FAM120A: variants seen among roughly 807,000 people sequenced by gnomAD.
The protein encoded by FAM120A is family with sequence similarity 120 member A.
FAM120A carries 15 observed loss-of-function variants against 109.7 expected under a neutral mutation model. That is an observed-to-expected ratio of 0.14 (90% confidence interval 0.09 to 0.21). The LOEUF (loss-of-function observed/expected upper bound fraction) is 0.21, where lower values mean the gene tolerates loss of function less well. FAM120A is among the 10% of genes least tolerant of loss of function. The probability of loss-of-function intolerance (pLI) is 1.00; values close to 1 mark genes in which losing one functional copy is unlikely to be tolerated. For synonymous variants in FAM120A, 493 were observed against 572.8 expected (o/e 0.86, Z 1.99); for missense variants, 899 against 1,439.3 (o/e 0.62, Z 6.07).
At chr9:93,477,944 C>A (rs1333036065) in intron 3 of FAM120A, among the ~76,000 whole-genome samples, 1 of 152,132 alleles carries the variant, frequency 6.6e-6, no homozygotes, top group Non-Finnish European at 1.5e-5. Flanking sequence ...GTATATCCCC[C>A]ATCTTGGTTC....
intron 3 of FAM120A, among the ~76,000 whole-genome samples, chr9:93,487,160 GGTTTTT>G (rs1387919425): frequency 6.6e-6 from 1 of 151,776 alleles, no homozygotes; most frequent in Non-Finnish European, 1.5e-5. Flanking sequence ...GAGTTCTAAG[GGTTTTT>G]GTTTTTGTTT....
intron 5 of FAM120A, among the ~76,000 whole-genome samples, chr9:93,506,593 T>C (rs1225855078): frequency 1.3e-5 from 2 of 151,978 alleles, no homozygotes; most frequent in East Asian, 3.9e-4. Flanking sequence ...GATTTTTTTT[T>C]TTCTTCTTTT....
Position 93,543,202 on chromosome 9 carries a change from C to G in FAM120A, c.1910-20C>G, listed in dbSNP as rs768437433. 41 of 1,609,974 alleles carry G rather than the reference C, an allele frequency of 2.5e-5. No homozygotes were observed. The highest frequency in any genetic ancestry group is 3.3e-5 in the Non-Finnish European group (39 of 1,176,966). ...TGAATGATGCATGAATGTGTCTTCT[C>G]TGGCTTTTTTTTCCTGTAGTTTCAC... On this transcript the variant is annotated intron_variant, in intron 10 of 17. Coordinates refer to ENST00000277165, the MANE Select transcript of FAM120A (RefSeq NM_014612.5).
At chr9:93,527,810 A>T (rs1163587310) in intron 8 of FAM120A, among the ~76,000 whole-genome samples, 2 of 151,266 alleles carry the variant, frequency 1.3e-5, no homozygotes, top group African/African-American at 2.4e-5. Context: ...TTTAGTAGAG[A>T]CGGGGTGTCG....
At chr9:93,546,380 A>G (rs902891118) in intron 11 of FAM120A, among the ~76,000 whole-genome samples, 3 of 152,182 alleles carry the variant, frequency 2.0e-5, no homozygotes, top group Admixed American at 6.5e-5. Flanking sequence ...CCCCGCGGCC[A>G]TGGCAGAGGA....
At chr9:93,524,463 G>A (rs950260602) in intron 7 of FAM120A, among the ~76,000 whole-genome samples, 22 of 152,150 alleles carry the variant, frequency 1.4e-4, no homozygotes, top group African/African-American at 4.3e-4. Flanking sequence ...GCTTTCATAC[G>A]GAAGAAGCTC....
chr9:93,558,758 G>A, intron 15 of FAM120A, 40 bp downstream of exon 15: 1 of 1,605,970 alleles, frequency 6.2e-7, no homozygotes, highest in Non-Finnish European at 8.5e-7. Context: ...CTGCCTGCCA[G>A]CACTTCCTTC....
At chr9:93,511,846 G>T (rs557321047) in intron 5 of FAM120A, among the ~76,000 whole-genome samples, 1 of 152,370 alleles carries the variant, frequency 6.6e-6, no homozygotes, top group South Asian at 2.1e-4. Flanking sequence ...AGGCCAGAGT[G>T]CAGTGGCACG....
chr9:93,563,163 T>A (rs2131578873), intron 17 of FAM120A, among the ~76,000 whole-genome samples: 1 of 152,326 alleles, frequency 6.6e-6, no homozygotes, highest in South Asian at 2.1e-4. Context: ...CATCTCCATC[T>A]GGGTTGATGA....
chr9:93,531,465 A>G (rs1861328719), intron 9 of FAM120A: 1 of 152,256 alleles, frequency 6.6e-6, no homozygotes, highest in South Asian at 2.1e-4. Flanking sequence ...TTTGGCAACA[A>G]TCTTAGCTGC....
At chr9:93,474,091 T>A (rs899319335) in intron 2 of FAM120A, among the ~76,000 whole-genome samples, 1 of 132,078 alleles carries the variant, frequency 7.6e-6, no homozygotes, top group Non-Finnish European at 1.6e-5. Context: ...AATGAAAAAA[T>A]CAATTGCAAT....
At chr9:93,508,641 G>A (rs1378053514) in intron 5 of FAM120A, among the ~76,000 whole-genome samples, 3 of 152,190 alleles carry the variant, frequency 2.0e-5, no homozygotes, top group African/African-American at 7.2e-5. Flanking sequence ...TGGGGCTGGT[G>A]TTCTGGGCTC....
intron 1 of FAM120A, among the ~76,000 whole-genome samples, chr9:93,470,517 C>T (rs547298276): frequency 6.6e-6 from 1 of 152,168 alleles, no homozygotes; most frequent in South Asian, 2.1e-4. Flanking sequence ...TTGATATAGA[C>T]CTAGTCTTGA....
At chr9:93,453,667 C>T (rs1857399868) in intron 1 of FAM120A, 3 of 977,212 alleles carry the variant, frequency 3.1e-6, no homozygotes, top group Non-Finnish European at 3.6e-6. Context: ...CCGGCAGAGT[C>T]CCGATTGGCC....
intron 5 of FAM120A, among the ~76,000 whole-genome samples, chr9:93,513,414 C>T (rs1465524115): frequency 1.3e-5 from 2 of 152,174 alleles, no homozygotes; most frequent in African/African-American, 4.8e-5. Context: ...GCACACACAT[C>T]CCTTAGAGGC....
rs1243218824 is a variant in FAM120A at position 93,452,505 on chromosome 9, C to T, written c.474+116C>T. On this transcript the variant is annotated intron_variant, in intron 1 of 17. Transcript: ENST00000277165. The surrounding 1 kb of genome is among the most constrained non-coding windows in gnomAD (Gnocchi z 7.0). ...CGGCGCTGGGGGCAGCGAGTTCCCC[C>T]AGCCCTTGCCCGGGATAGCCTGGCC... The T allele has an allele frequency of 4.5e-6, 7 of 1,548,310 alleles. No homozygotes were observed. The highest frequency in any genetic ancestry group is 3.9e-5 in the Admixed American group (2 of 51,784).
intron 11 of FAM120A, among the ~76,000 whole-genome samples, chr9:93,544,591 T>G (rs1466246362): frequency 1.3e-5 from 2 of 152,256 alleles, no homozygotes; most frequent in African/African-American, 4.8e-5. Flanking sequence ...AAACCTTTTT[T>G]TTAACTTAAA....
intron 3 of FAM120A, among the ~76,000 whole-genome samples, chr9:93,487,788 A>G (rs2131316524): frequency 6.6e-6 from 1 of 152,342 alleles, no homozygotes; most frequent in Non-Finnish European, 1.5e-5. Flanking sequence ...TCATTGAATT[A>G]TATGCTAAAA....
At chr9:93,467,856 C>A (rs1858118965) in intron 1 of FAM120A, among the ~76,000 whole-genome samples, 1 of 151,880 alleles carries the variant, frequency 6.6e-6, no homozygotes, top group Non-Finnish European at 1.5e-5. Context: ...GCCCCACATG[C>A]CACCTTTGTT....
Sources: gnomAD v4.1 joint callset for allele counts (sites outside exome capture counted in the v4.1 genomes callset) on GRCh38, gnomAD v4.1.1 for gene constraint, Gnocchi (gnomAD v3.1) non-coding constraint, MANE v1.5 for transcripts, NCBI Gene and HGNC (gene_info 2026-07-23, HGNC 2026-07-21) for gene names.